Variants in CPA6 observed in about 807,000 individuals in gnomAD.
The protein encoded by CPA6 is carboxypeptidase B.
A neutral mutation model predicts 63.3 loss-of-function variants in CPA6; 58 were observed. That is an observed-to-expected ratio of 0.92 (90% CI 0.74 to 1.14). CPA6 has a LOEUF of 1.14. Among genes scored for constraint, CPA6 ranks in the 50% most tolerant of loss-of-function variants. The pLI, the probability that CPA6 is intolerant of heterozygous loss-of-function variation, is 0.00. For missense variants in CPA6, 565 were observed against 526.6 expected, an observed-to-expected ratio of 1.07 and a Z score of -0.71; for synonymous variants, 185 against 179.0, an observed-to-expected ratio of 1.03 and a Z score of -0.27.
chr8:67,469,815 G>A (rs141655084), intron 8 of CPA6, among the ~76,000 whole-genome samples: 1 of 151,948 alleles, frequency 6.6e-6, no homozygotes, highest in African/African-American at 2.4e-5. Context: ...CATCCAATTG[G>A]TTCTGTTTAT....
chr8:67,705,691 C>A (rs1238742071), intron 1 of CPA6, among the ~76,000 whole-genome samples: 1 of 152,188 alleles, frequency 6.6e-6, no homozygotes, highest in Non-Finnish European at 1.5e-5. Flanking sequence ...CTACCTAAAT[C>A]TTTATCTATT....
chr8:67,638,098 A>G (rs1815511820), intron 1 of CPA6, among the ~76,000 whole-genome samples: 1 of 151,214 alleles, frequency 6.6e-6, no homozygotes, highest in South Asian at 2.1e-4. Context: ...GCCCAACACA[A>G]TGAGTGAAGC....
chr8:67,430,136 T>C, intron 9 of CPA6, among the ~76,000 whole-genome samples: 1 of 69,980 alleles, frequency 1.4e-5, no homozygotes, highest in Non-Finnish European at 2.4e-5. Context: ...TATATATGTG[T>C]GTGTGTGTGT....
At chr8:67,458,599 T>C (rs1467405499) in intron 8 of CPA6, among the ~76,000 whole-genome samples, 1 of 152,126 alleles carries the variant, frequency 6.6e-6, no homozygotes, top group African/African-American at 2.4e-5. Flanking sequence ...CGAAAGACAA[T>C]GTCAAGAGAA....
At chr8:67,568,843 C>T (rs375050017) in intron 2 of CPA6, among the ~76,000 whole-genome samples, 137 of 152,294 alleles carry the variant, frequency 9.0e-4, no homozygotes, top group African/African-American at 3.1e-3. Context: ...CTCCGCCTCC[C>T]GGGTTCAGGT....
At chr8:67,489,467 T>C (rs1001954531) in intron 6 of CPA6, among the ~76,000 whole-genome samples, 6 of 151,890 alleles carry the variant, frequency 4.0e-5, no homozygotes, top group South Asian at 2.1e-4. Flanking sequence ...TTGATTTAAA[T>C]TTTACGTATA....
chr8:67,734,569 TC>T (rs1817778449), intron 1 of CPA6, among the ~76,000 whole-genome samples: 1 of 152,202 alleles, frequency 6.6e-6, no homozygotes, highest in South Asian at 2.1e-4. Context: ...CCCATATGTA[TC>T]CTTTTTTCTG....
intron 6 of CPA6, among the ~76,000 whole-genome samples, chr8:67,496,529 A>ATATGTATATATATATATATG (rs1811717232): frequency 7.8e-6 from 1 of 128,170 alleles, no homozygotes; most frequent in African/African-American, 3.1e-5. Context: ...TTATATATAT[A>ATATGTATATATATATATATG]TATATATATA....
chr8:67,507,077 T>C (rs1159270607), intron 5 of CPA6, among the ~76,000 whole-genome samples, 189 bp from the exon 6 acceptor site: 1 of 152,134 alleles, frequency 6.6e-6, no homozygotes, highest in Non-Finnish European at 1.5e-5. Context: ...ATATTTATTG[T>C]CCTAATTATA....
chr8:67,578,149 G>A (rs982953375), intron 2 of CPA6, among the ~76,000 whole-genome samples: 1 of 152,148 alleles, frequency 6.6e-6, no homozygotes, highest in East Asian at 1.9e-4. Context: ...ATTTTGCCCC[G>A]GACTGTTGTT....
At chr8:67,623,446 T>A (rs1275069709) in intron 2 of CPA6, among the ~76,000 whole-genome samples, 1 of 152,052 alleles carries the variant, frequency 6.6e-6, no homozygotes, top group Non-Finnish European at 1.5e-5. Context: ...TTCTCTCTTT[T>A]GCCCAGGCTA....
intron 1 of CPA6, among the ~76,000 whole-genome samples, chr8:67,697,267 A>G (rs764939722): frequency 3.3e-5 from 5 of 152,204 alleles, no homozygotes; most frequent in African/African-American, 4.8e-5. Context: ...TCTCCACGGA[A>G]GTAGTTTGTT....
chr8:67,447,478 G>A (rs1471914055), intron 8 of CPA6, among the ~76,000 whole-genome samples: 1 of 149,878 alleles, frequency 6.7e-6, no homozygotes, highest in East Asian at 2.0e-4. Flanking sequence ...TAGGAATAGG[G>A]CCCTGGGCTG....
intron 10 of CPA6, among the ~76,000 whole-genome samples, chr8:67,427,519 G>A (rs1167540207): frequency 1.3e-5 from 2 of 152,076 alleles, no homozygotes; most frequent in East Asian, 3.9e-4. Context: ...TGGGAGATGA[G>A]GGGGGGTTGG....
chr8:67,463,980 C>G (rs368300207), intron 8 of CPA6, among the ~76,000 whole-genome samples: 1 of 152,138 alleles, frequency 6.6e-6, no homozygotes, highest in South Asian at 2.1e-4. Context: ...AATGAACACG[C>G]GAGCGCATGT....
chr8:67,726,472 C>G lies in CPA6; in HGVS notation c.116+19542G>C, dbSNP rs550548236. On this transcript the variant is annotated intron_variant, in intron 1 of 10. Coordinates refer to ENST00000297770, the MANE Select transcript of CPA6 (RefSeq NM_020361.5). ...TAGTTTTAAAAAGTAATTGATGGTG[C>G]AAGAAACTGCTGGCAAATATTTTTT... Among the ~76,000 whole-genome samples, 5 of 152,250 alleles carry G rather than the reference C, an allele frequency of 3.3e-5. No individual in the cohort carries two copies. In the South Asian group the frequency reaches 6.2e-4, roughly 19 times the overall value.
intron 2 of CPA6, among the ~76,000 whole-genome samples, chr8:67,551,395 C>G (rs747117771): frequency 7.9e-5 from 12 of 152,076 alleles, no homozygotes; most frequent in Non-Finnish European, 1.6e-4. Flanking sequence ...CTCTTTTGTA[C>G]TAGTACCATG....
At chr8:67,651,997 T>C (rs894198550) in intron 1 of CPA6, among the ~76,000 whole-genome samples, 19 of 151,784 alleles carry the variant, frequency 1.3e-4, no homozygotes, top group Admixed American at 1.1e-3. Context: ...GCGGTGTTTG[T>C]TTTTTTGTCC....
At chr8:67,473,759 C>T (rs968340488) in intron 8 of CPA6, among the ~76,000 whole-genome samples, 2 of 152,090 alleles carry the variant, frequency 1.3e-5, no homozygotes, top group Admixed American at 6.6e-5. Flanking sequence ...CACGTGCCAC[C>T]ACGCCTGGCT....
Sources: allele counts gnomAD v4.1 joint callset (sites outside exome capture counted in the v4.1 genomes callset), GRCh38; gene constraint gnomAD v4.1.1; transcripts MANE v1.5; gene names NCBI Gene and HGNC (gene_info 2026-07-23, HGNC 2026-07-21).